Variants in DNAH6 observed in about 807,000 individuals in gnomAD.
The protein encoded by DNAH6 is axonemal beta dynein heavy chain 6.
Under a neutral mutation model 491.4 loss-of-function variants are expected in DNAH6, and 340 were observed. The ratio of observed to expected loss-of-function variants is 0.69; its 90% CI spans 0.63 to 0.76. The LOEUF is 0.76. Ranked by LOEUF, DNAH6 falls within the 30% of genes least tolerant of loss-of-function variation. The pLI is 0.00. For synonymous variants in DNAH6, 1,603 were observed against 1,686.1 expected (o/e 0.95, Z 1.21); for missense variants, 4,443 against 4,972.2 (o/e 0.89, Z 3.20).
At chr2:84,578,111 A>G (rs1036884043) in intron 13 of DNAH6, among the ~76,000 whole-genome samples, 1 of 152,176 alleles carries the variant, frequency 6.6e-6, no homozygotes, top group Non-Finnish European at 1.5e-5. Flanking sequence ...AATATTTACT[A>G]TCTGGCCCTT....
At chr2:84,514,281 GT>G (rs201536560), upstream of DNAH6, among the ~76,000 whole-genome samples, 18 of 152,240 alleles carry the variant, frequency 1.2e-4, no homozygotes, top group East Asian at 3.5e-3. Context: ...AGAAATTTAA[GT>G]TGATGGATCT....
chr2:84,479,756 G>T, the DNAH6 span, among the ~76,000 whole-genome samples: 2 of 152,216 alleles, frequency 1.3e-5, no homozygotes, highest in South Asian at 2.1e-4. Context: ...TTGGGAAGCT[G>T]GTTGTGGCCT....
At chr2:84,506,695 G>A in the DNAH6 span, among the ~76,000 whole-genome samples, 1 of 10,546 alleles carries the variant, frequency 9.5e-5, no homozygotes, top group Non-Finnish European at 1.4e-4. Context: ...AGTTTTTATG[G>A]CTTTAGTTTA....
At chr2:84,660,819 T>C (rs1691430699) in intron 37 of DNAH6, among the ~76,000 whole-genome samples, 1 of 152,070 alleles carries the variant, frequency 6.6e-6, no homozygotes, top group African/African-American at 2.4e-5. Flanking sequence ...GAATATTTTA[T>C]AAAATAAACT....
At position 84,672,488 on chromosome 2, in the gene DNAH6, A is replaced by G; in HGVS notation, c.6612+4A>G. On this transcript the variant is annotated splice_donor_region_variant and intron_variant, in intron 40 of 76. Coordinates refer to ENST00000389394, the MANE Select transcript of DNAH6 (RefSeq NM_001370.2). The stretch of plus-strand genomic sequence containing the variant: ...ACTGTTTTGGAAAGAAATACAGGTT[A>G]CTTTAGCTTTTAAATTACTTGGTGT... 1 of 1,545,740 alleles carries G rather than the reference A, an allele frequency of 6.5e-7. No homozygotes were observed. Among genetic ancestry groups the G allele is most frequent in the Non-Finnish European group, 8.7e-7 (1 of 1,144,334 alleles).
At chr2:84,469,436 C>T in the DNAH6 span, among the ~76,000 whole-genome samples, 1 of 152,160 alleles carries the variant, frequency 6.6e-6, no homozygotes, top group Non-Finnish European at 1.5e-5. The surrounding 1 kb of genome is among the most constrained non-coding windows in gnomAD (Gnocchi z 4.0). Context: ...TTAAATTTGC[C>T]CCTAGATGGG....
intron 33 of DNAH6, among the ~76,000 whole-genome samples, chr2:84,647,006 C>A (rs370204925): frequency 6.6e-6 from 1 of 152,142 alleles, no homozygotes; most frequent in Non-Finnish European, 1.5e-5. Context: ...TGCCACCACC[C>A]ATGGCTAATT....
intron 24 of DNAH6, 60 bp from the exon 25 acceptor site, chr2:84,621,131 A>G: frequency 1.3e-6 from 2 of 1,498,160 alleles, no homozygotes; most frequent in South Asian, 2.5e-5. Flanking sequence ...GAAATACAGA[A>G]GGCATACAGC....
chr2:84,575,153 G>C (rs991868885), intron 12 of DNAH6, among the ~76,000 whole-genome samples: 1 of 152,160 alleles, frequency 6.6e-6, no homozygotes, highest in African/African-American at 2.4e-5. Flanking sequence ...ATAGAGGTGG[G>C]CTTTGCCCTT....
chr2:84,599,952 A>G (rs1685057438), intron 18 of DNAH6, among the ~76,000 whole-genome samples: 1 of 152,136 alleles, frequency 6.6e-6, no homozygotes. Context: ...AAATTTTTTA[A>G]GGTTTGTTTT....
Position 84,549,780 on chromosome 2 carries a change from A to G in DNAH6, c.1317-109A>G, listed in dbSNP as rs1018794567. 8 of 750,190 alleles carry G rather than the reference A, an allele frequency of 1.1e-5. No individual in the cohort carries two copies. The African/African-American group carries it at 1.2e-4, about 12-fold the overall frequency. 46.5% of individuals were successfully genotyped at this position (750,190 alleles called of 1,614,324 possible). A position where few individuals can be genotyped will look rare whatever the true frequency, so the allele number is the denominator to read the frequency against. ...TGTAATATAATTAAATGGAAATTCA[A>G]GGAGAAATTATGATATTTTACATTT... On this transcript the variant is annotated intron_variant, in intron 8 of 76. Transcript: ENST00000389394.
chr2:84,787,803 A>C (rs1051918295), intron 68 of DNAH6, among the ~76,000 whole-genome samples: 2 of 152,220 alleles, frequency 1.3e-5, no homozygotes, highest in Non-Finnish European at 1.5e-5. Flanking sequence ...CCTGTAAAAA[A>C]GGAAAAACCT....
At chr2:84,495,891 G>A in the DNAH6 span, among the ~76,000 whole-genome samples, 4 of 152,154 alleles carry the variant, frequency 2.6e-5, no homozygotes, top group South Asian at 2.1e-4. Flanking sequence ...TCTTATCAAC[G>A]TTACAGACAA....
At chr2:84,799,199 G>A (rs1573846403) in intron 70 of DNAH6, among the ~76,000 whole-genome samples, 2 of 152,070 alleles carry the variant, frequency 1.3e-5, no homozygotes, top group East Asian at 1.9e-4. Flanking sequence ...TGTTGACCAG[G>A]CTGGTCTCGA....
At chr2:84,561,030 G>A (rs1381241728) in intron 11 of DNAH6, among the ~76,000 whole-genome samples, 5 of 151,514 alleles carry the variant, frequency 3.3e-5, no homozygotes, top group South Asian at 2.1e-4. Flanking sequence ...CTGAGGAATC[G>A]CCACACTGAC....
Position 84,670,335 on chromosome 2 carries a change from T to C in DNAH6, c.6314T>C (p.Ile2105Thr). Residue 2105 changes from isoleucine to threonine, a missense_variant, in exon 39 of 77, where the codon ATT (isoleucine) becomes ACT (threonine). This residue lies in a region of DNAH6 where 2,977 missense variants were observed against 3,296.6 expected (regional missense o/e 0.90). Transcript: ENST00000389394. Reference sequence around the variant, plus strand: ...AACTTATTTTAATTTAAGTCTGTGATTGCAAAAGGATTGCTAAATAAAATT... The same window carrying C: ...AACTTATTTTAATTTAAGTCTGTGACTGCAAAAGGATTGCTAAATAAAATT... Reference protein sequence around the residue: ...TGITGVGKSVIAKGLLNKIQE... With the variant: ...TGITGVGKSVTAKGLLNKIQE... 6.6e-7 allele frequency: 1 copy of C among 1,525,710 alleles called. No homozygotes were observed. The highest frequency in any genetic ancestry group is 8.8e-7 in the Non-Finnish European group (1 of 1,132,134). The allele number at this position is 1,525,710 out of a possible 1,614,324, so 94.5% of individuals were successfully genotyped here.
At position 84,547,229 on chromosome 2, in the gene DNAH6, A is replaced by T. The variant is rs759180925; in HGVS notation, c.931-39A>T. 15 of 1,451,624 alleles carry T rather than the reference A, an allele frequency of 1.0e-5. No homozygotes were observed. In the South Asian group the frequency reaches 1.6e-4, roughly 15 times the overall value. 89.9% of individuals were successfully genotyped at this position (1,451,624 alleles called of 1,614,324 possible). A position where few individuals can be genotyped will look rare whatever the true frequency, so the allele number is the denominator to read the frequency against. On this transcript the variant is annotated intron_variant, in intron 5 of 76. Coordinates refer to ENST00000389394, the MANE Select transcript of DNAH6 (RefSeq NM_001370.2). ...AATGTTCTATACTTTTAAAATACAG[A>T]ATATTTTTACTAAATAATAAATTCC...
intron 60 of DNAH6, among the ~76,000 whole-genome samples, chr2:84,723,534 A>T (rs1252527367): frequency 6.6e-6 from 1 of 152,180 alleles, no homozygotes; most frequent in Non-Finnish European, 1.5e-5. Context: ...CCTCTGCAGT[A>T]ATCTAGATTC....
intron 62 of DNAH6, among the ~76,000 whole-genome samples, chr2:84,734,391 C>G (rs575967644): frequency 1.3e-5 from 2 of 151,968 alleles, no homozygotes; most frequent in African/African-American, 4.8e-5. Flanking sequence ...CCGCCTGCCT[C>G]GGCCTCCCAA....
Sources: gnomAD v4.1 joint callset for allele counts (sites outside exome capture counted in the v4.1 genomes callset) on GRCh38, gnomAD v4.1.1 for gene constraint, gnomAD v4.1.1 regional missense constraint, Gnocchi (gnomAD v3.1) non-coding constraint, MANE v1.5 for transcripts, NCBI Gene and HGNC (gene_info 2026-07-23, HGNC 2026-07-21) for gene names.